CDH12: variants seen among roughly 807,000 people sequenced by gnomAD.
CDH12 encodes the protein cadherin 12.
In CDH12, 41 loss-of-function variants were observed where a neutral mutation model predicts 74.1. The observed-to-expected ratio is 0.55, with a 90% CI of 0.43 to 0.72. The LOEUF is 0.72. CDH12 is among the 30% of genes least tolerant of loss of function. CDH12 has a pLI of 0.00. For missense variants in CDH12, 945 were observed against 977.2 expected, an observed-to-expected ratio of 0.97 and a Z score of 0.44; for synonymous variants, 399 against 355.0, an observed-to-expected ratio of 1.12 and a Z score of -1.39.
intron 5 of CDH12, among the ~76,000 whole-genome samples, chr5:22,070,826 A>C (rs1050128997): frequency 6.6e-5 from 10 of 152,222 alleles, no homozygotes; most frequent in African/African-American, 9.6e-5. Context: ...TGTCCTTTGC[A>C]GGGACGTGGA....
At chr5:22,431,681 G>T (rs2126521523) in intron 2 of CDH12, among the ~76,000 whole-genome samples, 1 of 152,332 alleles carries the variant, frequency 6.6e-6, no homozygotes, top group Non-Finnish European at 1.5e-5. Flanking sequence ...GGAGGTGAAA[G>T]ACAGTGATGT....
intron 1 of CDH12, among the ~76,000 whole-genome samples, chr5:22,673,109 C>A (rs1740991024): frequency 6.6e-6 from 1 of 152,002 alleles, no homozygotes; most frequent in African/African-American, 2.4e-5. Flanking sequence ...TATTGTGATA[C>A]CTCCAGTCTT....
chr5:21,953,772 G>C (rs1440909150), intron 6 of CDH12, among the ~76,000 whole-genome samples: 1 of 152,036 alleles, frequency 6.6e-6, no homozygotes, highest in African/African-American at 2.4e-5. Flanking sequence ...TGTAGATTCT[G>C]TCCAATCCTT....
chr5:21,928,272 G>A (rs946650727), intron 6 of CDH12, among the ~76,000 whole-genome samples: 19 of 151,946 alleles, frequency 1.3e-4, no homozygotes, highest in African/African-American at 3.9e-4. Flanking sequence ...GCTTTAGTGA[G>A]GACAAAAGAA....
chr5:21,915,775 C>T lies in CDH12; in HGVS notation c.526+59316G>A, dbSNP rs971914912. Among the ~76,000 whole-genome samples, 8 of 151,498 alleles carry T rather than the reference C, an allele frequency of 5.3e-5. 1 individual carries two copies. In the South Asian group the frequency reaches 1.0e-3, roughly 20 times the overall value. The stretch of plus-strand genomic sequence containing the variant: ...CAGCAGGAGGAAGAAAGACAAGTTA[C>T]GCTCCATCCGCTAAGCCTTGGGTAC... On this transcript the variant is annotated intron_variant, in intron 6 of 14. Transcript: ENST00000382254.
intron 1 of CDH12, among the ~76,000 whole-genome samples, chr5:22,669,374 G>A (rs1740788166): frequency 6.6e-6 from 1 of 151,802 alleles, no homozygotes; most frequent in Admixed American, 6.6e-5. Flanking sequence ...TGGCCAGCGA[G>A]ATGACTTCTG....
intron 6 of CDH12, among the ~76,000 whole-genome samples, chr5:21,903,728 A>G (rs1339008283): frequency 6.6e-6 from 1 of 152,192 alleles, no homozygotes; most frequent in Non-Finnish European, 1.5e-5. Context: ...AGAGAAAAAT[A>G]AAAACAAAAC....
chr5:22,579,541 T>A (rs1157985663), intron 1 of CDH12, among the ~76,000 whole-genome samples: 1 of 152,160 alleles, frequency 6.6e-6, no homozygotes, highest in Non-Finnish European at 1.5e-5. Context: ...TTTATTTTTT[T>A]ATATTGTTGT....
chr5:22,336,747 G>T (rs1739601461), intron 3 of CDH12, among the ~76,000 whole-genome samples: 1 of 152,226 alleles, frequency 6.6e-6, no homozygotes, highest in South Asian at 2.1e-4. Flanking sequence ...CTGCAGGGGT[G>T]GGGCCCTCAT....
chr5:21,850,018 G>A (rs940818145), intron 7 of CDH12, among the ~76,000 whole-genome samples: 3 of 151,512 alleles, frequency 2.0e-5, no homozygotes, highest in East Asian at 1.9e-4. Flanking sequence ...ATAGGCCTGG[G>A]GGACAGTGTT....
At chr5:22,758,625 G>A (rs182493957) in intron 1 of CDH12, among the ~76,000 whole-genome samples, 90 of 151,468 alleles carry the variant, frequency 5.9e-4, no homozygotes, top group African/African-American at 2.0e-3. Context: ...GCAGTTTTAC[G>A]CAGCATTAAC....
chr5:22,601,069 G>T (rs1736833881), intron 1 of CDH12, among the ~76,000 whole-genome samples: 1 of 152,048 alleles, frequency 6.6e-6, no homozygotes, highest in Admixed American at 6.6e-5. Context: ...TTTATGGGCA[G>T]ATATTGTTAA....
intron 3 of CDH12, among the ~76,000 whole-genome samples, chr5:22,216,414 A>G (rs1401702024): frequency 1.3e-5 from 2 of 151,916 alleles, no homozygotes; most frequent in African/African-American, 4.8e-5. Context: ...CACAAATAGA[A>G]TCTTGCTTCT....
chr5:22,604,153 A>G (rs924442302), intron 1 of CDH12, among the ~76,000 whole-genome samples: 2 of 152,236 alleles, frequency 1.3e-5, no homozygotes, highest in Admixed American at 1.3e-4. Flanking sequence ...AGTAACATCC[A>G]TCCAGGCTAC....
chr5:22,324,686 T>C (rs1739012649), intron 3 of CDH12, among the ~76,000 whole-genome samples: 2 of 152,014 alleles, frequency 1.3e-5, no homozygotes. Flanking sequence ...TATTTATAAT[T>C]ATTTTCAGTT....
At chr5:21,835,302 G>A (rs1749467212) in intron 8 of CDH12, among the ~76,000 whole-genome samples, 1 of 151,326 alleles carries the variant, frequency 6.6e-6, no homozygotes, top group Non-Finnish European at 1.5e-5. Flanking sequence ...CATACACTTA[G>A]CTTTATAACA....
intron 3 of CDH12, among the ~76,000 whole-genome samples, chr5:22,339,007 A>G (rs759609283): frequency 1.3e-5 from 2 of 152,184 alleles, no homozygotes; most frequent in South Asian, 2.1e-4. Context: ...TGAATTTGGA[A>G]GAGGACTTAG....
chr5:21,950,944 G>A (rs1334773738), intron 6 of CDH12, among the ~76,000 whole-genome samples: 10 of 150,538 alleles, frequency 6.6e-5, no homozygotes, highest in African/African-American at 1.7e-4. Flanking sequence ...CCACCACCAC[G>A]CCCAGCTAAT....
intron 2 of CDH12, among the ~76,000 whole-genome samples, chr5:22,414,940 ATTT>A (rs1489599461): frequency 6.6e-6 from 1 of 152,104 alleles, no homozygotes; most frequent in Non-Finnish European, 1.5e-5. Context: ...AAGGCTGCTT[ATTT>A]AGTAACAAAT....
Sources: allele counts gnomAD v4.1 joint callset (sites outside exome capture counted in the v4.1 genomes callset), GRCh38; gene constraint gnomAD v4.1.1; transcripts MANE v1.5; gene names NCBI Gene and HGNC (gene_info 2026-07-23, HGNC 2026-07-21).